The following POLR3E variants were observed in gnomAD, a reference collection of about 807,000 sequenced individuals.
The protein encoded by POLR3E is DNA-directed RNA polymerase III subunit RPC5.
POLR3E carries 41 observed loss-of-function variants against 96.6 expected under a neutral mutation model. The ratio of observed to expected loss-of-function variants is 0.42; its 90% CI spans 0.33 to 0.55. The LOEUF (loss-of-function observed/expected upper bound fraction) is 0.55, where lower values mean the gene tolerates loss of function less well. POLR3E is among the 20% of genes least tolerant of loss of function. The pLI is 0.06. For missense variants in POLR3E, 849 were observed against 952.1 expected, an observed-to-expected ratio of 0.89 and a Z score of 1.43; for synonymous variants, 396 against 383.6, an observed-to-expected ratio of 1.03 and a Z score of -0.38.
intron 16 of POLR3E, 91 bp from the exon 17 acceptor site, chr16:22,325,114 G>A (rs568273507): frequency 2.1e-5 from 20 of 973,884 alleles, no homozygotes; most frequent in East Asian, 9.5e-5. Context: ...AGTAACCAGC[G>A]TGTCCTGGGG....
At chr16:22,304,545 G>C (rs1436393515) in intron 2 of POLR3E, among the ~76,000 whole-genome samples, 2 of 152,190 alleles carry the variant, frequency 1.3e-5, no homozygotes, top group Non-Finnish European at 2.9e-5. Context: ...AAGGCTCAGG[G>C]GAGGCATGTG....
Position 22,308,168 on chromosome 16 carries a change from G to A in POLR3E, c.108G>A (p.Ser36=), listed in dbSNP as rs752079991. Residue 36 remains serine (S), a synonymous_variant, in exon 4 of 21, where the codon TCG becomes TCA. Transcript: ENST00000299853. ...YLFQYPVRPA[S]MTYDDIPHLS... ...CCCAGTACCCTGTGCGTCCAGCCTC[G>A]ATGACCTACGATGACATTCCGCACC... 23 of 1,613,562 alleles carry A rather than the reference G, an allele frequency of 1.4e-5. 1 individual carries two copies. The Middle Eastern group carries it at 2.0e-3, about 139-fold the overall frequency.
intron 3 of POLR3E, among the ~76,000 whole-genome samples, chr16:22,305,995 A>T (rs1039985450): frequency 6.6e-6 from 1 of 152,164 alleles, no homozygotes; most frequent in Non-Finnish European, 1.5e-5. Context: ...CCAGCGCCAC[A>T]GTCTGTTTTG....
At chr16:22,319,648 C>G (rs1241769329) in intron 13 of POLR3E, among the ~76,000 whole-genome samples, 1 of 152,138 alleles carries the variant, frequency 6.6e-6, no homozygotes, top group Non-Finnish European at 1.5e-5. Context: ...ATCTGCCCGC[C>G]TCGGCTTCCC....
intron 6 of POLR3E, among the ~76,000 whole-genome samples, chr16:22,312,873 C>CAAAAAAA (rs1167609047): frequency 2.0e-4 from 6 of 30,384 alleles, no homozygotes; most frequent in African/African-American, 3.4e-4. Context: ...CACTCCATCT[C>CAAAAAAA]AAAAAAAAAA....
At chr16:22,309,550 TG>T (rs369957483) in intron 6 of POLR3E, 40 bp downstream of exon 6, 51 of 1,024,698 alleles carry the variant, frequency 5.0e-5, no homozygotes, top group East Asian at 7.9e-5. Context: ...GACATGGCAT[TG>T]GGGGGGGCTG....
At chr16:22,309,991 G>C (rs2048212637) in intron 6 of POLR3E, 1 of 166,582 alleles carries the variant, frequency 6.0e-6, no homozygotes, top group African/African-American at 2.4e-5. Flanking sequence ...ACAGAATGTG[G>C]TCCATTCACG....
intron 19 of POLR3E, among the ~76,000 whole-genome samples, chr16:22,329,338 G>A (rs1292350470): frequency 6.6e-6 from 1 of 152,120 alleles, no homozygotes; most frequent in Non-Finnish European, 1.5e-5. Flanking sequence ...TGATGGGGAG[G>A]GTCACAGGTG....
At chr16:22,301,234 G>A (rs1010520468) in intron 1 of POLR3E, among the ~76,000 whole-genome samples, 6 of 152,142 alleles carry the variant, frequency 3.9e-5, no homozygotes, top group Non-Finnish European at 8.8e-5. Flanking sequence ...GGGAGATGAG[G>A]TCTGGCAGGT....
intron 20 of POLR3E, among the ~76,000 whole-genome samples, chr16:22,332,722 C>T (rs2048766791): frequency 6.6e-6 from 1 of 152,042 alleles, no homozygotes; most frequent in Non-Finnish European, 1.5e-5. Flanking sequence ...CAGTAGAATC[C>T]ATTCTTAAAT....
intron 19 of POLR3E, chr16:22,331,290 TAAGA>T: frequency 6.6e-6 from 1 of 152,314 alleles, no homozygotes; most frequent in Non-Finnish European, 1.5e-5. Flanking sequence ...GAAGCATCTT[TAAGA>T]GAGTTTCCAT....
intron 20 of POLR3E, 46 bp from the exon 21 acceptor site, chr16:22,333,598 T>G (rs1295449609): frequency 7.6e-7 from 1 of 1,317,558 alleles, no homozygotes; most frequent in South Asian, 1.2e-5. Context: ...TGTAATTAGC[T>G]CCTTTTCCTG....
At chr16:22,324,715 C>A (rs1356994382) in intron 16 of POLR3E, 55 bp downstream of exon 16, 17 of 1,561,262 alleles carry the variant, frequency 1.1e-5, no homozygotes, top group Non-Finnish European at 1.5e-5. Flanking sequence ...ACCCTGCATC[C>A]TGGGGAGCAC....
intron 1 of POLR3E, among the ~76,000 whole-genome samples, chr16:22,299,300 CAG>C (rs2047971656): frequency 6.6e-6 from 1 of 151,642 alleles, no homozygotes; most frequent in Non-Finnish European, 1.5e-5. Context: ...GAGGGGAAGA[CAG>C]AGACAAGATT....
Position 22,326,187 on chromosome 16 carries a change from T to C in POLR3E, c.1775T>C (p.Leu592Pro). 2 of 1,613,900 alleles carry C rather than the reference T, an allele frequency of 1.2e-6. No individual in the cohort carries two copies. The highest frequency in any genetic ancestry group is 1.1e-5 in the South Asian group (1 of 91,086). ...KRLFNLHLAS[L>P]PPGHTLFSGI... The stretch of plus-strand genomic sequence containing the variant: ...CTCTTCAATCTGCACTTGGCCAGCC[T>C]GCCCCCCGGCCACACACTCTTCAGC... The change falls in exon 18 of 21, where the codon CTG becomes CCG. Residue 592 changes from leucine to proline, a missense_variant. Leu to Pro is a moderately conservative substitution (Grantham distance 98). Transcript: ENST00000299853.
Position 22,317,118 on chromosome 16 carries a change from C to CAAGCCT in POLR3E, c.778_783dup (p.Lys260_Pro261dup). 1 of 1,614,128 alleles carries CAAGCCT rather than the reference C, an allele frequency of 6.2e-7. No homozygotes were observed. Among genetic ancestry groups the CAAGCCT allele is most frequent in the Non-Finnish European group, 8.5e-7 (1 of 1,179,958 alleles). On this transcript the variant is annotated inframe_insertion, in exon 12 of 21. Coordinates refer to ENST00000299853, the MANE Select transcript of POLR3E (RefSeq NM_018119.4). Reference sequence around the variant, plus strand: ...CCGTCCCCTCTGCTTTTCCCAGAGACAAGCCTGTGGCCCCCAGCAACGTCC... The same window carrying CAAGCCT: ...CCGTCCCCTCTGCTTTTCCCAGAGACAAGCCTAAGCCTGTGGCCCCCAGCAACGTCC...
At chr16:22,328,942 A>C in intron 19 of POLR3E, 1 of 278,364 alleles carries the variant, frequency 3.6e-6, no homozygotes, top group Non-Finnish European at 7.1e-6. Context: ...CCTGACCAAT[A>C]TGGTGAAACC....
chr16:22,308,480 G>A (rs1360980419), intron 4 of POLR3E: 1 of 528,562 alleles, frequency 1.9e-6, no homozygotes, highest in Admixed American at 3.2e-5. Context: ...ATAAGACGAG[G>A]GCGGGCGGGT....
intron 9 of POLR3E, among the ~76,000 whole-genome samples, chr16:22,315,910 TGC>T (rs1221653610): frequency 2.0e-5 from 3 of 152,102 alleles, no homozygotes; most frequent in Non-Finnish European, 4.4e-5. Context: ...CCAAGTGATC[TGC>T]CCACCTCAGG....
Sources: allele counts gnomAD v4.1 joint callset (sites outside exome capture counted in the v4.1 genomes callset), GRCh38; gene constraint gnomAD v4.1.1; transcripts MANE v1.5; gene names NCBI Gene and HGNC (gene_info 2026-07-23, HGNC 2026-07-21).